The following PCDH9 variants were observed in gnomAD, a reference collection of about 807,000 sequenced individuals.
PCDH9 encodes the protein protocadherin-9.
In PCDH9, 24 loss-of-function variants were observed where a neutral mutation model predicts 70.6. The ratio of observed to expected loss-of-function variants is 0.34; its 90% confidence interval spans 0.25 to 0.48. The LOEUF is 0.48. PCDH9 is among the 20% of genes least tolerant of loss of function. The pLI is 0.99. For synonymous variants in PCDH9, 562 were observed against 558.5 expected, an observed-to-expected ratio of 1.01 and a Z score of -0.09; for missense variants, 1,281 against 1,503.6, an observed-to-expected ratio of 0.85 and a Z score of 2.45.
chr13:66,760,076 AT>A (rs138571068), intron 3 of PCDH9, among the ~76,000 whole-genome samples: 2,889 of 152,168 alleles, frequency 0.019, 85 homozygotes, highest in African/African-American at 0.066. Context: ...GAAATTATTT[AT>A]CTCTCCTTCA....
At chr13:66,630,583 A>G (rs2077556887) in intron 4 of PCDH9, 1 of 152,158 alleles carries the variant, frequency 6.6e-6, no homozygotes, top group Non-Finnish European at 1.5e-5. Flanking sequence ...TTGGCCAAAT[A>G]TATCTCCCTC....
chr13:66,639,375 T>C (rs1298719156), intron 3 of PCDH9, among the ~76,000 whole-genome samples: 1 of 152,178 alleles, frequency 6.6e-6, no homozygotes, highest in Non-Finnish European at 1.5e-5. Context: ...AAACTAAGGA[T>C]CTGTATTTTT....
chr13:66,511,890 C>A (rs1284082226), intron 4 of PCDH9, among the ~76,000 whole-genome samples: 1 of 151,854 alleles, frequency 6.6e-6, no homozygotes, highest in East Asian at 2.0e-4. Context: ...AACTGTCAGC[C>A]AATTAAACTT....
At chr13:66,721,146 G>A (rs1419804286) in intron 3 of PCDH9, among the ~76,000 whole-genome samples, 2 of 152,128 alleles carry the variant, frequency 1.3e-5, no homozygotes, top group Non-Finnish European at 2.9e-5. Context: ...GTATGAAACC[G>A]TCATGCTGTT....
intron 2 of PCDH9, among the ~76,000 whole-genome samples, chr13:67,076,575 G>A (rs1297913876): frequency 6.6e-6 from 1 of 152,110 alleles, no homozygotes; most frequent in Non-Finnish European, 1.5e-5. Context: ...TGGGCTCTCT[G>A]TCAGGAAAGA....
intron 3 of PCDH9, 88 bp from the exon 4 acceptor site, chr13:66,631,499 A>G (rs2077571089): frequency 4.1e-6 from 3 of 732,798 alleles, no homozygotes; most frequent in Non-Finnish European, 7.0e-6. Flanking sequence ...CACTTTCAAC[A>G]AGTAACACAA....
At chr13:66,878,247 G>A (rs1409921111) in intron 3 of PCDH9, among the ~76,000 whole-genome samples, 1 of 151,440 alleles carries the variant, frequency 6.6e-6, no homozygotes, top group Non-Finnish European at 1.5e-5. Flanking sequence ...ATTTTTTTGA[G>A]ATGGAGTCTC....
At chr13:67,207,026 T>C (rs1219599141) in intron 2 of PCDH9, 1 of 152,158 alleles carries the variant, frequency 6.6e-6, no homozygotes, top group Non-Finnish European at 1.5e-5. Flanking sequence ...TAATTTCTAC[T>C]TTTCACATAT....
At chr13:66,503,138 T>C (rs1051283040) in intron 4 of PCDH9, among the ~76,000 whole-genome samples, 11 of 152,220 alleles carry the variant, frequency 7.2e-5, no homozygotes, top group African/African-American at 2.7e-4. Context: ...TTATCTACAA[T>C]GTGTAATTAC....
chr13:66,977,698 A>T, intron 2 of PCDH9, among the ~76,000 whole-genome samples: 1 of 152,104 alleles, frequency 6.6e-6, no homozygotes, highest in East Asian at 1.9e-4. Context: ...TCCAGCTTGA[A>T]TGGTAACTGA....
chr13:67,035,046 T>C (rs2084982996), intron 2 of PCDH9, among the ~76,000 whole-genome samples: 1 of 152,142 alleles, frequency 6.6e-6, no homozygotes, highest in African/African-American at 2.4e-5. Context: ...CTGTGTTATA[T>C]AATGCTTAAA....
rs374453613 is a variant in PCDH9 at position 66,648,661 on chromosome 13, C to T, written c.3139-17250G>A. On this transcript the variant is annotated intron_variant, in intron 3 of 4. Transcript: ENST00000377865. ...AATAAATACCTAACTTTTCAATGCC[C>T]GGAGACCAACAAACATTCTCAAGTA... Among the ~76,000 whole-genome samples the T allele has an allele frequency of 3.3e-5, 5 of 152,092 alleles. No homozygotes were observed. In the East Asian group the frequency reaches 5.8e-4, roughly 18 times the overall value.
intron 3 of PCDH9, among the ~76,000 whole-genome samples, chr13:66,709,621 G>A (rs759296488): frequency 1.2e-4 from 19 of 152,154 alleles, no homozygotes; most frequent in Non-Finnish European, 1.3e-4. Flanking sequence ...GTCTTCTGGT[G>A]CCTGAAAATG....
intron 4 of PCDH9, among the ~76,000 whole-genome samples, chr13:66,394,674 CTCTT>C (rs1957072480): frequency 6.6e-6 from 1 of 152,252 alleles, no homozygotes; most frequent in African/African-American, 2.4e-5. Context: ...GTCAACTGCC[CTCTT>C]TCTAATTTGG....
At chr13:67,099,801 A>T (rs561015513) in intron 2 of PCDH9, among the ~76,000 whole-genome samples, 3 of 152,306 alleles carry the variant, frequency 2.0e-5, no homozygotes, top group Non-Finnish European at 4.4e-5. Context: ...TAACTTCGAA[A>T]TAACTTTCAA....
chr13:67,228,462 T>C lies in PCDH9; in HGVS notation c.-22A>G, dbSNP rs1566516062. On this transcript the variant is annotated 5_prime_UTR_variant, in exon 2 of 5. Transcript: ENST00000377865. ...CCATGATAATGTATTTATTTTCTTT[T>C]CCTGGATTTTAGGGTTTAAAGGTTT... 2 of 1,529,558 alleles carry C rather than the reference T, an allele frequency of 1.3e-6. No individual in the cohort carries two copies. The highest frequency in any genetic ancestry group is 8.8e-7 in the Non-Finnish European group (1 of 1,141,594). The allele number at this position is 1,529,558 out of a possible 1,614,324, so 94.7% of individuals were successfully genotyped here.
rs1246456426 is a variant in PCDH9, at chr13:66,600,765, C to CGCGTGTGTGT, written c.3340+30444_3340+30445insACACACACGC. On this transcript the variant is annotated intron_variant, in intron 4 of 4. Transcript: ENST00000377865. ...ACATTTTGGATGAACTAATTAAGAACGTGTGTGTGTGTGTGTGTGTGTGTG... is the reference window on the plus strand; with the variant it reads ...ACATTTTGGATGAACTAATTAAGAACGCGTGTGTGTGTGTGTGTGTGTGTGTGTGTGTGTG... Among the ~76,000 whole-genome samples, 32 of 132,940 alleles carry CGCGTGTGTGT rather than the reference C, an allele frequency of 2.4e-4. 4 individuals carry two copies. The highest frequency in any genetic ancestry group is 8.3e-4 in the African/African-American group (31 of 37,370). The allele number at this position is 132,940 out of a possible 152,430, so 87.2% of individuals were successfully genotyped here.
intron 2 of PCDH9, among the ~76,000 whole-genome samples, chr13:67,018,634 GA>G (rs1046044620): frequency 5.4e-4 from 79 of 145,660 alleles, no homozygotes; most frequent in African/African-American, 1.9e-3. Flanking sequence ...AAAAAAAAAG[GA>G]AAAAAAAAGA....
intron 2 of PCDH9, among the ~76,000 whole-genome samples, chr13:67,076,565 T>TAG (rs1394066054): frequency 6.6e-6 from 1 of 152,114 alleles, no homozygotes; most frequent in Non-Finnish European, 1.5e-5. Flanking sequence ...ATCTGTGATG[T>TAG]GGGCTCTCTG....
Sources: allele counts gnomAD v4.1 joint callset (sites outside exome capture counted in the v4.1 genomes callset), GRCh38; gene constraint gnomAD v4.1.1; transcripts MANE v1.5; gene names NCBI Gene and HGNC (gene_info 2026-07-23, HGNC 2026-07-21).